Variants in ITGA4 observed in about 807,000 individuals in gnomAD.
ITGA4 encodes the protein integrin subunit alpha 4.
A neutral mutation model predicts 133.6 loss-of-function variants in ITGA4; 63 were observed. The observed-to-expected ratio is 0.47, with a 90% confidence interval of 0.38 to 0.58. The LOEUF is 0.58. Among genes scored for constraint, ITGA4 ranks in the 20% least tolerant of loss-of-function variants. The pLI is 0.00. For missense variants in ITGA4, 1,076 were observed against 1,252.7 expected, an observed-to-expected ratio of 0.86 and a Z score of 2.13; for synonymous variants, 483 against 438.0, an observed-to-expected ratio of 1.10 and a Z score of -1.28.
At chr2:181,497,360 T>G (rs868213234) in intron 14 of ITGA4, among the ~76,000 whole-genome samples, 1 of 152,310 alleles carries the variant, frequency 6.6e-6, no homozygotes. Context: ...ATAATTCACA[T>G]GGCAAGCATG....
chr2:181,463,486 G>A (rs1012752342), intron 2 of ITGA4, among the ~76,000 whole-genome samples: 2 of 150,862 alleles, frequency 1.3e-5, no homozygotes, highest in Non-Finnish European at 2.9e-5. Context: ...CAATAGCAGT[G>A]GAGAAGAACA....
At chr2:181,520,370 C>G (rs1223259247) in intron 17 of ITGA4, among the ~76,000 whole-genome samples, 5 of 151,912 alleles carry the variant, frequency 3.3e-5, no homozygotes, top group Non-Finnish European at 7.4e-5. Context: ...ATGAATTGTG[C>G]AGTGAAAGTG....
rs1686783667 is a variant in ITGA4 at position 181,524,105 on chromosome 2, A to G, written c.2170-66A>G. The G allele has an allele frequency of 5.2e-5, 55 of 1,061,366 alleles. 3 individuals are homozygous for G. The South Asian group carries it at 7.7e-4, about 15-fold the overall frequency. 65.7% of individuals were successfully genotyped at this position (1,061,366 alleles called of 1,614,324 possible). On this transcript the variant is annotated intron_variant, in intron 19 of 27. Coordinates refer to ENST00000397033, the MANE Select transcript of ITGA4 (RefSeq NM_000885.6). ...ATAGAACATAAACTTTTAAGAAAAA[A>G]ATTCAGATTATAAAAAATGTACTTA...
rs562940295 is a variant in ITGA4 at position 181,497,538 on chromosome 2, A to G, written c.1541-1085A>G. On this transcript the variant is annotated intron_variant, in intron 14 of 27. Transcript: ENST00000397033. ...TCAGTTATTATAATTTTGAAATCCA[A>G]TTGGCTTGGACTTCATTATTTTCCA... is the stretch of plus-strand genomic sequence containing the variant. Among the ~76,000 whole-genome samples the G allele has an allele frequency of 4.6e-5, 7 of 152,292 alleles. No individual in the cohort carries two copies. In the South Asian group the frequency reaches 1.0e-3, roughly 23 times the overall value.
At chr2:181,494,289 A>G (rs1433235695) in intron 11 of ITGA4, among the ~76,000 whole-genome samples, 1 of 152,158 alleles carries the variant, frequency 6.6e-6, no homozygotes, top group Non-Finnish European at 1.5e-5. Flanking sequence ...CATGTTGGGC[A>G]AGGAAGTAAA....
At chr2:181,494,904 A>C in intron 12 of ITGA4, 92 bp downstream of exon 12, 1 of 693,746 alleles carries the variant, frequency 1.4e-6, no homozygotes, top group Non-Finnish European at 2.5e-6. Context: ...GGTATGAAAG[A>C]CTTCATCTTA....
chr2:181,526,821 CTTTTTTTTTTTTTT>C lies in ITGA4; in HGVS notation c.2340-457_2340-444del, dbSNP rs538208494. Among the ~76,000 whole-genome samples, 105 of 41,010 alleles carry C rather than the reference CTTTTTTTTTTTTTT, an allele frequency of 2.6e-3. 3 individuals are homozygous for C. Among genetic ancestry groups the C allele is most frequent in the South Asian group, 0.013 (8 of 630 alleles). The allele number at this position is 41,010 out of a possible 152,430, so 26.9% of individuals were successfully genotyped here. A position where few individuals can be genotyped will look rare whatever the true frequency, so the allele number is the denominator to read the frequency against. On this transcript the variant is annotated intron_variant, in intron 21 of 27. Transcript: ENST00000397033. Reference sequence around the variant, plus strand: ...TGTCACCCAGGTCAGAGCACATGGCCTTTTTTTTTTTTTTTTTTTTTTTTTTTTTTTTAAGAGTC... The same window carrying C: ...TGTCACCCAGGTCAGAGCACATGGCCTTTTTTTTTTTTTTTTTTAAGAGTC...
chr2:181,467,395 C>T (rs1480097764), intron 2 of ITGA4, among the ~76,000 whole-genome samples: 1 of 152,104 alleles, frequency 6.6e-6, no homozygotes, highest in South Asian at 2.1e-4. Flanking sequence ...AGTGACAGTA[C>T]GATGACGCAG....
At chr2:181,503,374 A>T (rs78264740) in intron 15 of ITGA4, among the ~76,000 whole-genome samples, 290 of 152,054 alleles carry the variant, frequency 1.9e-3, no homozygotes, top group African/African-American at 6.5e-3. Context: ...TCTAATAAGG[A>T]TCTATATCAC....
chr2:181,476,692 C>T (rs1348377761), intron 4 of ITGA4, among the ~76,000 whole-genome samples: 4 of 152,028 alleles, frequency 2.6e-5, no homozygotes, highest in African/African-American at 9.7e-5. Flanking sequence ...ATGGTGTTAG[C>T]AATAGCAAAG....
rs1314284599 is a variant in ITGA4 at position 181,527,321 on chromosome 2, G to T, written c.2364G>T (p.Val788=). 1 of 1,610,956 alleles carries T rather than the reference G, an allele frequency of 6.2e-7. No individual in the cohort carries two copies. The highest frequency in any genetic ancestry group is 1.1e-5 in the South Asian group (1 of 91,012). ...VHGFVNPTSF[V]YGSNDENEPE... ...GGTTTGTAAACCCAACTTCATTTGT[G>T]TATGGATCAAATGATGAAAATGAGC... is the stretch of plus-strand genomic sequence containing the variant. The change falls in exon 22 of 28, where the codon GTG becomes GTT. Residue 788 remains valine (V), a synonymous_variant. Coordinates refer to ENST00000397033, the MANE Select transcript of ITGA4 (RefSeq NM_000885.6).
rs768964330 is a variant in ITGA4 at position 181,478,745 on chromosome 2, A to G, written c.557-12A>G. 1.6e-6 allele frequency: 2 copies of G among 1,259,514 alleles called. No individual in the cohort carries two copies. The highest frequency in any genetic ancestry group is 2.5e-5 in the East Asian group (1 of 40,496). 78.0% of individuals were successfully genotyped at this position (1,259,514 alleles called of 1,614,324 possible). On this transcript the variant is annotated splice_polypyrimidine_tract_variant and intron_variant, in intron 4 of 27. Transcript: ENST00000397033. Reference sequence around the variant, plus strand: ...AGATAAAATTCTGAGTTGTTTTAATATTTCATTTTAGATTATGTGAAAAAA... The same window carrying G: ...AGATAAAATTCTGAGTTGTTTTAATGTTTCATTTTAGATTATGTGAAAAAA...
intron 17 of ITGA4, among the ~76,000 whole-genome samples, chr2:181,521,300 C>A (rs1686716128): frequency 6.6e-6 from 1 of 152,166 alleles, no homozygotes; most frequent in South Asian, 2.1e-4. Flanking sequence ...AAAGAATGAA[C>A]TGTAGAAATT....
chr2:181,534,787 T>TTGAG (rs142045243), intron 26 of ITGA4, 29 bp from the exon 27 acceptor site: 162,665 of 1,554,030 alleles, frequency 0.1, 10,493 homozygotes, highest in East Asian at 0.21. Context: ...TTTTTGGTTT[T>TTGAG]TGAGTTTTAT....
chr2:181,535,451 A>G lies in ITGA4; in HGVS notation c.3023A>G (p.Gln1008Arg), dbSNP rs1347118871. 1.9e-6 allele frequency: 3 copies of G among 1,608,018 alleles called. No homozygotes were observed. Among genetic ancestry groups the G allele is most frequent in the Non-Finnish European group, 2.5e-6 (3 of 1,177,122 alleles). Residue 1008 changes from glutamine (Q) to arginine (R), a missense_variant, in exon 28 of 28, where the codon CAA (glutamine) becomes CGA (arginine). Physicochemically the swap from Gln to Arg is conservative, Grantham distance 43. Coordinates refer to ENST00000397033, the MANE Select transcript of ITGA4 (RefSeq NM_000885.6). ...VMWKAGFFKRQYKSILQEENR... is the reference protein window; with the variant it reads ...VMWKAGFFKRRYKSILQEENR... ...TTTCAGGCTGGCTTCTTTAAAAGACAATACAAATCTATCCTACAAGAAGAA... is the reference window on the plus strand; with the variant it reads ...TTTCAGGCTGGCTTCTTTAAAAGACGATACAAATCTATCCTACAAGAAGAA...
chr2:181,538,403 AATC>A lies in ITGA4; in HGVS notation c.*2881_*2883del, dbSNP rs941673561. Among the ~76,000 whole-genome samples the A allele has an allele frequency of 3.5e-4, 53 of 152,294 alleles. No homozygotes were observed. Among genetic ancestry groups the A allele is most frequent in the African/African-American group, 1.2e-3 (48 of 41,566 alleles). ...GAAAACTGAGAAGGTCTGATTGATA[AATC>A]ATCAACAACAATAATTGCTCTAAAA... On this transcript the variant is annotated 3_prime_UTR_variant, in exon 28 of 28. Coordinates refer to ENST00000397033, the MANE Select transcript of ITGA4 (RefSeq NM_000885.6).
intron 17 of ITGA4, 128 bp from the exon 18 acceptor site, chr2:181,522,063 A>T: frequency 2.0e-6 from 1 of 489,898 alleles, no homozygotes; most frequent in Admixed American, 3.8e-5. Flanking sequence ...CAATCCCATG[A>T]TTGTTTTTCC....
chr2:181,464,905 G>A (rs1244312102), intron 2 of ITGA4, among the ~76,000 whole-genome samples: 1 of 152,112 alleles, frequency 6.6e-6, no homozygotes, highest in African/African-American at 2.4e-5. Context: ...TCTGGGCTCA[G>A]TGTGCTTGTT....
rs763113777 is a variant in ITGA4, at chr2:181,480,195, A to G, written c.683A>G (p.Tyr228Cys). The change falls in exon 6 of 28, where the codon TAC (tyrosine) becomes TGC (cysteine). Residue 228 changes from tyrosine (Y) to cysteine (C), a missense_variant. This residue lies in a region of ITGA4 where 436 missense variants were observed against 590.7 expected (regional missense o/e 0.74). Coordinates refer to ENST00000397033, the MANE Select transcript of ITGA4 (RefSeq NM_000885.6). ...TACTGGACTGGCTCTCTTTTTGTCT[A>G]CAATATAACTACAAATAAATACAAG... is the stretch of plus-strand genomic sequence containing the variant. ...SSYWTGSLFVYNITTNKYKAF... is the reference protein window; with the variant it reads ...SSYWTGSLFVCNITTNKYKAF... 3 of 1,557,030 alleles carry G rather than the reference A, an allele frequency of 1.9e-6. No homozygotes were observed. Among genetic ancestry groups the G allele is most frequent in the South Asian group, 1.2e-5 (1 of 82,246 alleles).
Sources: allele counts gnomAD v4.1 joint callset (sites outside exome capture counted in the v4.1 genomes callset), GRCh38; gene constraint gnomAD v4.1.1; regional missense constraint gnomAD v4.1.1; transcripts MANE v1.5; gene names NCBI Gene and HGNC (gene_info 2026-07-23, HGNC 2026-07-21).